WDPCP: variants seen among roughly 807,000 people sequenced by gnomAD.
WDPCP encodes the protein WD repeat-containing and planar cell polarity effector protein fritz homolog.
A neutral mutation model predicts 93.1 loss-of-function variants in WDPCP; 71 were observed. The ratio of observed to expected loss-of-function variants is 0.76; its 90% CI spans 0.63 to 0.93. The LOEUF (loss-of-function observed/expected upper bound fraction) is 0.93. Ranked by LOEUF, WDPCP falls within the 40% of genes least tolerant of loss-of-function variation. WDPCP has a pLI of 0.00. For synonymous variants in WDPCP, 315 were observed against 315.0 expected (o/e 1.00, Z 0.00); for missense variants, 844 against 887.4 (o/e 0.95, Z 0.62).
chr2:63,587,043 C>G (rs1708891634), intron 1 of WDPCP, among the ~76,000 whole-genome samples: 1 of 152,156 alleles, frequency 6.6e-6, no homozygotes, highest in Non-Finnish European at 1.5e-5. Flanking sequence ...AAAAATCTTT[C>G]TGTTAGCAGC....
chr2:63,700,646 C>A (rs148346525), intron 2 of WDPCP, among the ~76,000 whole-genome samples: 1 of 152,014 alleles, frequency 6.6e-6, no homozygotes, highest in Non-Finnish European at 1.5e-5. Context: ...TTTTGATACC[C>A]AGCATGGTAC....
chr2:63,387,796 G>C (rs569087157), intron 10 of WDPCP, among the ~76,000 whole-genome samples: 1 of 152,018 alleles, frequency 6.6e-6, no homozygotes, highest in Non-Finnish European at 1.5e-5. Context: ...CAAAACTAAA[G>C]TATACAAATC....
chr2:63,583,637 C>T (rs1035392042), intron 1 of WDPCP, among the ~76,000 whole-genome samples: 12 of 150,092 alleles, frequency 8.0e-5, no homozygotes, highest in Admixed American at 2.7e-4. Flanking sequence ...GCCAAGATTG[C>T]GCCACTGCAC....
chr2:63,809,877 C>T (rs983092948), intron 2 of WDPCP, among the ~76,000 whole-genome samples: 2 of 151,656 alleles, frequency 1.3e-5, no homozygotes, highest in Non-Finnish European at 2.9e-5. Context: ...TGCCAAATCC[C>T]CCTCTGTGAG....
intron 1 of WDPCP, among the ~76,000 whole-genome samples, chr2:63,816,226 A>G (rs1670930833): frequency 6.6e-6 from 1 of 152,190 alleles, no homozygotes; most frequent in Admixed American, 6.5e-5. Flanking sequence ...AATCTACAAA[A>G]AGCCTGGTAT....
chr2:63,723,808 G>A (rs1251711872), intron 2 of WDPCP, among the ~76,000 whole-genome samples: 1 of 151,790 alleles, frequency 6.6e-6, no homozygotes, highest in Non-Finnish European at 1.5e-5. Flanking sequence ...TGAAAATTTG[G>A]CAAAGTTAAA....
intron 13 of WDPCP, among the ~76,000 whole-genome samples, chr2:63,291,755 G>A (rs1684435146): frequency 6.6e-6 from 1 of 151,230 alleles, no homozygotes; most frequent in Non-Finnish European, 1.5e-5. Context: ...GTTGCAGTGA[G>A]CTGAGATTGT....
At chr2:63,385,678 TC>T (rs1692674274) in intron 10 of WDPCP, among the ~76,000 whole-genome samples, 2 of 151,956 alleles carry the variant, frequency 1.3e-5, no homozygotes, top group African/African-American at 4.8e-5. Context: ...TTGTTAAGAA[TC>T]ATTCCTCCCT....
intron 13 of WDPCP, among the ~76,000 whole-genome samples, chr2:63,286,505 A>G (rs567093873): frequency 6.6e-6 from 1 of 152,148 alleles, no homozygotes; most frequent in Admixed American, 6.5e-5. Flanking sequence ...CATTGCTCCT[A>G]ACTCCACCGC....
At chr2:63,838,174 A>G in the WDPCP span, among the ~76,000 whole-genome samples, 25 of 152,354 alleles carry the variant, frequency 1.6e-4, no homozygotes, top group African/African-American at 5.5e-4. Context: ...TGGTCATTCA[A>G]TATATACTTA....
intron 14 of WDPCP, among the ~76,000 whole-genome samples, chr2:63,175,305 G>A (rs1423629605): frequency 3.3e-5 from 5 of 152,126 alleles, no homozygotes; most frequent in East Asian, 3.9e-4. Flanking sequence ...GTACAGAGGT[G>A]TATAGAGAGA....
chr2:63,803,917 T>G (rs1345916970), intron 2 of WDPCP, among the ~76,000 whole-genome samples: 1 of 152,236 alleles, frequency 6.6e-6, no homozygotes, highest in Non-Finnish European at 1.5e-5. Flanking sequence ...CATGCTTTTA[T>G]ATTTAGTTTC....
At chr2:63,398,606 CTAACTCCAAAA>C (rs1693923751) in intron 10 of WDPCP, among the ~76,000 whole-genome samples, 11 of 152,150 alleles carry the variant, frequency 7.2e-5, no homozygotes, top group African/African-American at 2.2e-4. Context: ...ATCTAAGAGT[CTAACTCCAAAA>C]ATCTTAGCAT....
intron 2 of WDPCP, chr2:63,751,880 C>G (rs1432022962): frequency 1.5e-6 from 1 of 685,336 alleles, no homozygotes; most frequent in Non-Finnish European, 2.7e-6. Context: ...CTTCCACCAC[C>G]TTCAAAATTG....
chr2:63,250,961 C>A (rs1205462907), intron 14 of WDPCP, among the ~76,000 whole-genome samples: 1 of 152,022 alleles, frequency 6.6e-6, no homozygotes, highest in African/African-American at 2.4e-5. Flanking sequence ...CATTTCATTG[C>A]CTATACAAAA....
rs1346488257 is a variant in WDPCP, at chr2:63,618,633, C to A, written n.488+32026G>T. Among the ~76,000 whole-genome samples the A allele has an allele frequency of 2.6e-5, 4 of 151,572 alleles. No homozygotes were observed. The East Asian group carries it at 7.7e-4, about 29-fold the overall frequency. Reference sequence around the variant, plus strand: ...TGGTTCACTTTTTGAAGCATGGGTACTGTGGGCCTTTTAAAATGTGTTACT... The same window carrying A: ...TGGTTCACTTTTTGAAGCATGGGTAATGTGGGCCTTTTAAAATGTGTTACT... On this transcript the variant is annotated intron_variant and non_coding_transcript_variant, in intron 3 of 4. Transcript: ENST00000467687.
At chr2:63,233,216 G>GTCTT (rs1679088766) in intron 14 of WDPCP, 1 of 155,848 alleles carries the variant, frequency 6.4e-6, no homozygotes, top group Non-Finnish European at 1.4e-5. Context: ...GGTTTGTTAT[G>GTCTT]TCTTAGGGTA....
upstream of WDPCP, chr2:63,589,876 G>A (rs1180924120): frequency 1.2e-5 from 2 of 172,642 alleles, no homozygotes; most frequent in African/African-American, 2.4e-5. Context: ...CAGAGAAATC[G>A]CTTCATACTA....
chr2:63,371,135 G>A (rs1448787722), intron 12 of WDPCP, among the ~76,000 whole-genome samples: 2 of 152,006 alleles, frequency 1.3e-5, no homozygotes, highest in Admixed American at 6.6e-5. Context: ...GTTCTTTCTG[G>A]AGTCTTATCA....
Sources: allele counts gnomAD v4.1 joint callset (sites outside exome capture counted in the v4.1 genomes callset), GRCh38; gene constraint gnomAD v4.1.1; transcripts MANE v1.5; gene names NCBI Gene and HGNC (gene_info 2026-07-23, HGNC 2026-07-21).